The following DDX10 variants were observed in gnomAD, a reference collection of about 807,000 sequenced individuals.
The protein encoded by DDX10 is DEAD-box helicase 10.
Under a neutral mutation model 104.3 loss-of-function variants are expected in DDX10, and 74 were observed. The ratio of observed to expected loss-of-function variants is 0.71; its 90% CI spans 0.59 to 0.86. The LOEUF is 0.86. DDX10 is among the 40% of genes least tolerant of loss of function. The probability of loss-of-function intolerance (pLI) is 0.00; values close to 1 mark genes in which losing one functional copy is unlikely to be tolerated. For synonymous variants in DDX10, 351 were observed against 353.4 expected (o/e 0.99, Z 0.08); for missense variants, 952 against 1,040.0 (o/e 0.92, Z 1.16).
chr11:108,782,535 A>G (rs1861720524), intron 13 of DDX10, among the ~76,000 whole-genome samples: 1 of 152,118 alleles, frequency 6.6e-6, no homozygotes, highest in Non-Finnish European at 1.5e-5. Flanking sequence ...CCATATCCTT[A>G]TAGCTGCTGT....
chr11:108,773,540 G>A (rs554965664), intron 13 of DDX10, among the ~76,000 whole-genome samples: 1 of 151,832 alleles, frequency 6.6e-6, no homozygotes, highest in Non-Finnish European at 1.5e-5. Context: ...GCTTCCAACT[G>A]TGTGTACAGA....
At chr11:108,681,773 A>C (rs562337710) in intron 6 of DDX10, among the ~76,000 whole-genome samples, 16 of 152,314 alleles carry the variant, frequency 1.1e-4, no homozygotes, top group African/African-American at 3.8e-4. Context: ...TTTCAGTGAC[A>C]AGTTGAATTC....
At chr11:108,737,236 CTT>C (rs2094319495) in intron 13 of DDX10, among the ~76,000 whole-genome samples, 2 of 152,256 alleles carry the variant, frequency 1.3e-5, no homozygotes, top group African/African-American at 4.8e-5. Flanking sequence ...ATTTTTAAAA[CTT>C]ATTTTTCAAG....
intron 13 of DDX10, among the ~76,000 whole-genome samples, chr11:108,808,139 A>G (rs1390783790): frequency 6.6e-6 from 1 of 152,174 alleles, no homozygotes; most frequent in Non-Finnish European, 1.5e-5. Context: ...TATTTTTACA[A>G]AACGCTTAGT....
intron 13 of DDX10, among the ~76,000 whole-genome samples, chr11:108,758,821 A>T (rs1022932586): frequency 7.9e-5 from 12 of 152,074 alleles, no homozygotes; most frequent in Non-Finnish European, 1.8e-4. Context: ...TTAGCTGATT[A>T]ACTGCCTTAA....
At chr11:108,867,673 T>C (rs1863024637) in intron 16 of DDX10, among the ~76,000 whole-genome samples, 1 of 152,180 alleles carries the variant, frequency 6.6e-6, no homozygotes, top group East Asian at 1.9e-4. Context: ...TTGTGAGTTA[T>C]AACACTGCGG....
intron 15 of DDX10, among the ~76,000 whole-genome samples, chr11:108,850,885 T>C (rs71489926): frequency 2.0e-5 from 3 of 152,158 alleles, no homozygotes; most frequent in Admixed American, 6.5e-5. Flanking sequence ...ACTTTGATCT[T>C]CCATTTTTCA....
At chr11:108,935,419 C>A (rs1864024473) in intron 17 of DDX10, among the ~76,000 whole-genome samples, 2 of 152,112 alleles carry the variant, frequency 1.3e-5, no homozygotes, top group Non-Finnish European at 2.9e-5. Flanking sequence ...AATAATCTTT[C>A]TAGAGAACCA....
intron 13 of DDX10, among the ~76,000 whole-genome samples, chr11:108,811,181 G>A (rs905287462): frequency 9.9e-5 from 15 of 152,130 alleles, no homozygotes; most frequent in African/African-American, 3.1e-4. Flanking sequence ...TGTGTATACT[G>A]GGGATGACTT....
At chr11:108,737,041 G>A (rs1445253730) in intron 13 of DDX10, among the ~76,000 whole-genome samples, 1 of 152,040 alleles carries the variant, frequency 6.6e-6, no homozygotes. Context: ...AGCATTCTCT[G>A]CAGCATCTTT....
intron 13 of DDX10, among the ~76,000 whole-genome samples, chr11:108,756,549 A>G (rs924485116): frequency 6.6e-6 from 1 of 152,048 alleles, no homozygotes; most frequent in Non-Finnish European, 1.5e-5. Flanking sequence ...GATTTAAGAT[A>G]TTGTGGACTT....
intron 13 of DDX10, among the ~76,000 whole-genome samples, chr11:108,805,719 T>G (rs1475136128): frequency 6.6e-6 from 1 of 152,184 alleles, no homozygotes; most frequent in Non-Finnish European, 1.5e-5. Flanking sequence ...ATAACAAATT[T>G]CTTGGGGTCT....
rs1011749961 is a variant in DDX10 at position 108,697,172 on chromosome 11, T to G, written c.1223+3572T>G. ...TTTTGTAACCAATTAAAAGTATTTT[T>G]ACTTGACTATTTTAGATGTATAGTA... On this transcript the variant is annotated intron_variant, in intron 9 of 17. Coordinates refer to ENST00000322536, the MANE Select transcript of DDX10 (RefSeq NM_004398.4). Among the ~76,000 whole-genome samples, 3 of 152,176 alleles carry G rather than the reference T, an allele frequency of 2.0e-5. No individual in the cohort carries two copies. The South Asian group carries it at 6.2e-4, about 32-fold the overall frequency.
At chr11:108,737,301 C>T (rs1024751346) in intron 13 of DDX10, among the ~76,000 whole-genome samples, 3 of 152,196 alleles carry the variant, frequency 2.0e-5, no homozygotes, top group Non-Finnish European at 4.4e-5. Context: ...AAGCAGGTAG[C>T]AGATCATCAA....
chr11:108,767,297 A>G (rs755303543), intron 13 of DDX10: 4 of 152,232 alleles, frequency 2.6e-5, no homozygotes, highest in Non-Finnish European at 2.9e-5. Flanking sequence ...ATTTTCTCCA[A>G]TGAAGTAGAA....
intron 17 of DDX10, among the ~76,000 whole-genome samples, chr11:108,925,680 A>G (rs1287760356): frequency 6.6e-6 from 1 of 152,088 alleles, no homozygotes; most frequent in African/African-American, 2.4e-5. Context: ...GATTGTACCC[A>G]TGCTTAGGTT....
chr11:108,687,770 C>T (rs1182326220), intron 6 of DDX10, among the ~76,000 whole-genome samples: 1 of 152,132 alleles, frequency 6.6e-6, no homozygotes. Flanking sequence ...AGATCAGAAA[C>T]ATTTAATTTT....
chr11:108,810,980 C>G (rs1246028232), intron 13 of DDX10, among the ~76,000 whole-genome samples: 2 of 152,134 alleles, frequency 1.3e-5, no homozygotes, highest in African/African-American at 4.8e-5. Context: ...ACATTCTTAT[C>G]ATTTTTCCTT....
chr11:108,770,645 A>T (rs1217883937), intron 13 of DDX10, among the ~76,000 whole-genome samples: 1 of 151,932 alleles, frequency 6.6e-6, no homozygotes, highest in African/African-American at 2.4e-5. Flanking sequence ...GGCTTATTTC[A>T]CTTAACATAA....
Sources: gnomAD v4.1 joint callset for allele counts (sites outside exome capture counted in the v4.1 genomes callset) on GRCh38, gnomAD v4.1.1 for gene constraint, MANE v1.5 for transcripts, NCBI Gene and HGNC (gene_info 2026-07-23, HGNC 2026-07-21) for gene names.